The following RAVER1 variants were observed in gnomAD, a reference collection of about 807,000 sequenced individuals.
The protein encoded by RAVER1 is ribonucleoprotein PTB-binding 1.
RAVER1 carries 36 observed loss-of-function variants against 68.4 expected under a neutral mutation model. The ratio of observed to expected loss-of-function variants is 0.53; its 90% CI spans 0.40 to 0.70. The LOEUF (loss-of-function observed/expected upper bound fraction) is 0.70. Among genes scored for constraint, RAVER1 ranks in the 30% least tolerant of loss-of-function variants. RAVER1 has a pLI of 0.00. For synonymous variants in RAVER1, 469 were observed against 472.7 expected, an observed-to-expected ratio of 0.99 and a Z score of 0.10; for missense variants, 933 against 1,019.8, an observed-to-expected ratio of 0.91 and a Z score of 1.16.
In RAVER1 at chr19:10,317,399, G is replaced by A; in HGVS notation, c.*55C>T. 6.3e-7 allele frequency: 1 copy of A among 1,583,316 alleles called. No individual in the cohort carries two copies. The highest frequency in any genetic ancestry group is 2.2e-5 in the East Asian group (1 of 44,752). On this transcript the variant is annotated 3_prime_UTR_variant, in exon 13 of 13. Coordinates refer to ENST00000617231, the MANE Select transcript of RAVER1 (RefSeq NM_133452.3). This position sits in a 1 kb window ranked among gnomAD's most constrained non-coding sequence, Gnocchi z 4.3. ...AAAAAAAACACAAAACAAAACATCA[G>A]AAAACCCAAAAGCGATTTGGTGCAG...
In RAVER1 at chr19:10,316,632, G is replaced by T; in HGVS notation, c.*822C>A. 2 of 949,262 alleles carry T rather than the reference G, an allele frequency of 2.1e-6. No individual in the cohort carries two copies. Among genetic ancestry groups the T allele is most frequent in the Non-Finnish European group, 2.5e-6 (2 of 796,182 alleles). The allele number at this position is 949,262 out of a possible 1,614,324, so 58.8% of individuals were successfully genotyped here. ...TGCACGGAGGCCCGGGTAGGAGGGG[G>T]TGGTGGGGCCGGTTCGCCAAGATGA... On this transcript the variant is annotated 3_prime_UTR_variant, in exon 13 of 13. Transcript: ENST00000617231.
At chr19:10,321,455 C>T (rs2040437433) in intron 7 of RAVER1, 76 bp downstream of exon 7, 1 of 1,229,204 alleles carries the variant, frequency 8.1e-7, no homozygotes, top group Non-Finnish European at 1.1e-6. Flanking sequence ...GAGGTTGGGT[C>T]ACTCACCCGA....
Position 10,316,270 on chromosome 19 carries a change from T to G in RAVER1, c.*1184A>C. The stretch of plus-strand genomic sequence containing the variant: ...TCAGCAAAGGTCCGTGTGGGGAGAC[T>G]GGGGTGGGGTCGGGGGAATAGTCCC... On this transcript the variant is annotated 3_prime_UTR_variant, in exon 13 of 13. Coordinates refer to ENST00000617231, the MANE Select transcript of RAVER1 (RefSeq NM_133452.3). 2.4e-6 allele frequency: 3 copies of G among 1,273,878 alleles called. No individual in the cohort carries two copies. Among genetic ancestry groups the G allele is most frequent in the South Asian group, 1.9e-5 (1 of 52,726 alleles). 78.9% of individuals were successfully genotyped at this position (1,273,878 alleles called of 1,614,324 possible). A position where few individuals can be genotyped will look rare whatever the true frequency, so the allele number is the denominator to read the frequency against.
chr19:10,322,478 T>G lies in RAVER1; in HGVS notation c.1173+167A>C, dbSNP rs2040444986. On this transcript the variant is annotated intron_variant, in intron 6 of 12. Coordinates refer to ENST00000617231, the MANE Select transcript of RAVER1 (RefSeq NM_133452.3). This position sits in a 1 kb window ranked among gnomAD's most constrained non-coding sequence, Gnocchi z 4.3. ...ATCATGAGCAATTGCCAGAGGGGGATGGGGATGTGGGTGGGAAAGGCAGGG... is the reference window on the plus strand; with the variant it reads ...ATCATGAGCAATTGCCAGAGGGGGAGGGGGATGTGGGTGGGAAAGGCAGGG... The G allele has an allele frequency of 1.8e-6, 1 of 542,196 alleles. No homozygotes were observed. 33.6% of individuals were successfully genotyped at this position (542,196 alleles called of 1,614,324 possible). A position where few individuals can be genotyped will look rare whatever the true frequency, so the allele number is the denominator to read the frequency against.
chr19:10,322,461 C>A lies in RAVER1; in HGVS notation c.1173+184G>T. The A allele has an allele frequency of 3.8e-6, 2 of 529,196 alleles. No homozygotes were observed. Among genetic ancestry groups the A allele is most frequent in the Non-Finnish European group, 6.6e-6 (2 of 305,062 alleles). The allele number at this position is 529,196 out of a possible 1,614,324, so 32.8% of individuals were successfully genotyped here. On this transcript the variant is annotated intron_variant, in intron 6 of 12. Coordinates refer to ENST00000617231, the MANE Select transcript of RAVER1 (RefSeq NM_133452.3). This position sits in a 1 kb window ranked among gnomAD's most constrained non-coding sequence, Gnocchi z 4.3. ...GGGAAAGATGGCGAACCATCATGAG[C>A]AATTGCCAGAGGGGGATGGGGATGT...
intron 1 of RAVER1, among the ~76,000 whole-genome samples, chr19:10,331,307 G>A (rs531237353): frequency 6.4e-4 from 87 of 136,146 alleles, no homozygotes; most frequent in African/African-American, 2.3e-3. Context: ...CCGAGATTGC[G>A]CCACTGCAGT....
At chr19:10,331,393 CAAAAAA>C (rs1171709414) in intron 1 of RAVER1, among the ~76,000 whole-genome samples, 1 of 48,514 alleles carries the variant, frequency 2.1e-5, no homozygotes, top group Non-Finnish European at 3.8e-5. Flanking sequence ...ATAACAACAA[CAAAAAA>C]AAAAAAAAAA....
In RAVER1 at chr19:10,322,517, G is replaced by A. The variant is rs892348831; in HGVS notation, c.1173+128C>T. On this transcript the variant is annotated intron_variant, in intron 6 of 12. Transcript: ENST00000617231. This position sits in a 1 kb window ranked among gnomAD's most constrained non-coding sequence, Gnocchi z 4.3. ...GGAAAGGCAGGGGTTTGGGGGAGTC[G>A]CCCTCACCCTGGTTCTGCGCCCCCA... The A allele has an allele frequency of 4.9e-5, 31 of 633,872 alleles. No homozygotes were observed. The highest frequency in any genetic ancestry group is 4.5e-4 in the African/African-American group (23 of 50,672). The allele number at this position is 633,872 out of a possible 1,614,324, so 39.3% of individuals were successfully genotyped here.
intron 3 of RAVER1, among the ~76,000 whole-genome samples, chr19:10,324,832 T>G (rs2040463274): frequency 6.6e-6 from 1 of 152,136 alleles, no homozygotes; most frequent in South Asian, 2.1e-4. Flanking sequence ...CACCTAACAT[T>G]AAAGGTGGGC....
In RAVER1 at chr19:10,322,460, G is replaced by A; in HGVS notation, c.1173+185C>T. 3.8e-6 allele frequency: 2 copies of A among 529,992 alleles called. No homozygotes were observed. The highest frequency in any genetic ancestry group is 6.5e-6 in the Non-Finnish European group (2 of 305,686). The allele number at this position is 529,992 out of a possible 1,614,324, so 32.8% of individuals were successfully genotyped here. On this transcript the variant is annotated intron_variant, in intron 6 of 12. Transcript: ENST00000617231. The surrounding 1 kb of genome is among the most constrained non-coding windows in gnomAD (Gnocchi z 4.3). The stretch of plus-strand genomic sequence containing the variant: ...AGGGAAAGATGGCGAACCATCATGA[G>A]CAATTGCCAGAGGGGGATGGGGATG...
rs944750526 is a variant in RAVER1 at position 10,329,107 on chromosome 19, G to A, written c.291C>T (p.Phe97=). ...CFVDKYKGTA[F]VTLLNGEQAE... ...CCTGCTCCCCATTCAGCAGGGTCAC[G>A]AAGGCTGCGGTGGGAGGAGGGCAGT... Residue 97 remains phenylalanine (F), a synonymous_variant, in exon 3 of 13, where the codon TTC becomes TTT. Coordinates refer to ENST00000617231, the MANE Select transcript of RAVER1 (RefSeq NM_133452.3). This position sits in a 1 kb window ranked among gnomAD's most constrained non-coding sequence, Gnocchi z 4.6. 8.2e-6 allele frequency: 12 copies of A among 1,469,710 alleles called. No homozygotes were observed. The highest frequency in any genetic ancestry group is 2.5e-5 in the Admixed American group (1 of 39,462). The allele number at this position is 1,469,710 out of a possible 1,614,324, so 91.0% of individuals were successfully genotyped here.
In RAVER1 at chr19:10,317,186, G is replaced by C. The variant is rs2040396042; in HGVS notation, c.*268C>G. The C allele has an allele frequency of 2.0e-6, 1 of 505,058 alleles. No individual in the cohort carries two copies. Among genetic ancestry groups the C allele is most frequent in the Admixed American group, 3.6e-5 (1 of 28,124 alleles). 31.3% of individuals were successfully genotyped at this position (505,058 alleles called of 1,614,324 possible). A position where few individuals can be genotyped will look rare whatever the true frequency, so the allele number is the denominator to read the frequency against. Reference sequence around the variant, plus strand: ...ACGGGCACAGCGGAGGAGGAGATGGGGGGAGGGAGGGAGAGCAGGCCGGGG... The same window carrying C: ...ACGGGCACAGCGGAGGAGGAGATGGCGGGAGGGAGGGAGAGCAGGCCGGGG... On this transcript the variant is annotated 3_prime_UTR_variant, in exon 13 of 13. Transcript: ENST00000617231. This position sits in a 1 kb window ranked among gnomAD's most constrained non-coding sequence, Gnocchi z 4.3.
chr19:10,333,451 G>A lies in RAVER1; in HGVS notation c.57C>T (p.Ala19=), dbSNP rs765790233. The part of the protein sequence containing the change: ...HRPPLSPKSG[A]EVEAGDAAER... ...CCGCGGCATCGCCGGCTTCGACTTCGGCCCCAGACTTAGGGCTCAGCGGGG... is the reference window on the plus strand; with the variant it reads ...CCGCGGCATCGCCGGCTTCGACTTCAGCCCCAGACTTAGGGCTCAGCGGGG... The change falls in exon 1 of 13, where the codon GCC becomes GCT. Residue 19 remains alanine (A), a synonymous_variant. Coordinates refer to ENST00000617231, the MANE Select transcript of RAVER1 (RefSeq NM_133452.3). The surrounding 1 kb of genome is among the most constrained non-coding windows in gnomAD (Gnocchi z 4.2). The A allele has an allele frequency of 1.5e-5, 24 of 1,612,458 alleles. No individual in the cohort carries two copies. The highest frequency in any genetic ancestry group is 2.0e-5 in the Non-Finnish European group (24 of 1,179,768).
rs988216707 is a variant in RAVER1, at chr19:10,317,336, CAGAGATTTT to C, written c.*109_*117del. On this transcript the variant is annotated 3_prime_UTR_variant, in exon 13 of 13. Transcript: ENST00000617231. This position sits in a 1 kb window ranked among gnomAD's most constrained non-coding sequence, Gnocchi z 4.3. ...CGGCTGATTGGTCAGTAAAGTCTTTCAGAGATTTTTCTATTACCGAAAGAGAGAAAATGG... is the reference window on the plus strand; with the variant it reads ...CGGCTGATTGGTCAGTAAAGTCTTTCTCTATTACCGAAAGAGAGAAAATGG... 1.4e-5 allele frequency: 17 copies of C among 1,182,916 alleles called. No individual in the cohort carries two copies. The highest frequency in any genetic ancestry group is 2.1e-5 in the Non-Finnish European group (17 of 810,812). The allele number at this position is 1,182,916 out of a possible 1,614,324, so 73.3% of individuals were successfully genotyped here. A position where few individuals can be genotyped will look rare whatever the true frequency, so the allele number is the denominator to read the frequency against.
Position 10,325,252 on chromosome 19 carries a change from T to C in RAVER1, c.757-1686A>G, listed in dbSNP as rs531237493. 1.2e-4 allele frequency among the ~76,000 whole-genome samples: 18 copies of C among 151,982 alleles called. No individual in the cohort carries two copies. The South Asian group carries it at 3.7e-3, about 32-fold the overall frequency. ...TTGTTTTGTTTTTTTTGAGACGGAG[T>C]CTCGCTCTGCCACCCAGACTGGAAT... On this transcript the variant is annotated intron_variant, in intron 3 of 12. Coordinates refer to ENST00000617231, the MANE Select transcript of RAVER1 (RefSeq NM_133452.3).
Position 10,323,175 on chromosome 19 carries a change from G to C in RAVER1, c.1048C>G (p.Leu350Val), listed in dbSNP as rs1196539555. The C allele has an allele frequency of 1.2e-6, 2 of 1,611,054 alleles. No homozygotes were observed. The highest frequency in any genetic ancestry group is 1.7e-6 in the Non-Finnish European group (2 of 1,178,836). Residue 350 changes from leucine (L) to valine (V), a missense_variant, in exon 5 of 13, where the codon CTG becomes GTG. Coordinates refer to ENST00000617231, the MANE Select transcript of RAVER1 (RefSeq NM_133452.3). The surrounding 1 kb of genome is among the most constrained non-coding windows in gnomAD (Gnocchi z 6.2). Reference protein sequence around the residue: ...SASLQLLLNPLLHGSAGGKQG... With the variant: ...SASLQLLLNPVLHGSAGGKQG... ...TTCCCCCCCGCACTGCCATGGAGCA[G>C]GGGGTTGAGCAGCAGCTGGAGGGAC... is the stretch of plus-strand genomic sequence containing the variant.
intron 1 of RAVER1, among the ~76,000 whole-genome samples, chr19:10,331,071 C>T (rs943104053): frequency 9.8e-5 from 14 of 142,292 alleles, no homozygotes; most frequent in Admixed American, 3.5e-4. Context: ...ACAACAAGGC[C>T]GGGCGCGGTG....
intron 3 of RAVER1, among the ~76,000 whole-genome samples, chr19:10,324,427 C>T (rs755263693): frequency 8.6e-5 from 13 of 152,038 alleles, no homozygotes; most frequent in East Asian, 1.9e-4. Flanking sequence ...TCTGTCACCC[C>T]GGAGTGCAGT....
intron 1 of RAVER1, among the ~76,000 whole-genome samples, 172 bp from the exon 2 acceptor site, chr19:10,330,698 AC>A (rs1336303964): frequency 6.6e-6 from 1 of 152,178 alleles, no homozygotes; most frequent in Non-Finnish European, 1.5e-5. Flanking sequence ...TTCTGCTCAT[AC>A]CTGGCAGAGA....
Sources: allele counts gnomAD v4.1 joint callset (sites outside exome capture counted in the v4.1 genomes callset), GRCh38; gene constraint gnomAD v4.1.1; non-coding constraint Gnocchi (gnomAD v3.1); transcripts MANE v1.5; gene names NCBI Gene and HGNC (gene_info 2026-07-23, HGNC 2026-07-21).